The following TEX14 variants were observed in gnomAD, a reference collection of about 807,000 sequenced individuals.
The protein encoded by TEX14 is inactive serine/threonine-protein kinase TEX14.
TEX14 carries 168 observed loss-of-function variants against 178.6 expected under a neutral mutation model. The observed-to-expected ratio is 0.94, with a 90% CI of 0.83 to 1.07. TEX14 has a LOEUF of 1.07. TEX14 is among the 50% of genes least tolerant of loss of function. The pLI is 0.00. For missense variants in TEX14, 1,730 were observed against 1,753.6 expected (o/e 0.99, Z 0.24); for synonymous variants, 626 against 634.1 (o/e 0.99, Z 0.19).
chr17:58,587,867 A>ACC, intron 16 of TEX14, 29 bp downstream of exon 16: 10 of 775,806 alleles, frequency 1.3e-5, no homozygotes, highest in Non-Finnish European at 2.0e-5. Flanking sequence ...CCGCTCCACC[A>ACC]CCAGTTTCCA....
intron 1 of TEX14, among the ~76,000 whole-genome samples, chr17:58,684,652 A>C (rs927236550): frequency 4.0e-5 from 6 of 150,166 alleles, no homozygotes; most frequent in African/African-American, 1.5e-4. Context: ...TAAATAAATA[A>C]ATAAATAAAT....
intron 1 of TEX14, among the ~76,000 whole-genome samples, chr17:58,676,691 TAA>T (rs1047480605): frequency 2.0e-5 from 3 of 152,168 alleles, no homozygotes; most frequent in Admixed American, 2.0e-4. Context: ...AAGAGCAGGT[TAA>T]AATCCTTTAG....
chr17:58,570,254 T>G, intron 25 of TEX14, 131 bp downstream of exon 25: 1 of 510,482 alleles, frequency 2.0e-6, no homozygotes, highest in Non-Finnish European at 3.4e-6. Context: ...CTACAATGAG[T>G]GTGTTTTACT....
chr17:58,564,727 A>G (rs989124485), intron 28 of TEX14, 142 bp downstream of exon 28: 26 of 452,434 alleles, frequency 5.7e-5, no homozygotes, highest in Admixed American at 4.9e-4. Context: ...TAAAAAAGTA[A>G]CCCTTTAGGA....
intron 2 of TEX14, among the ~76,000 whole-genome samples, chr17:58,650,261 C>G (rs2046811721): frequency 6.6e-6 from 1 of 151,608 alleles, no homozygotes; most frequent in South Asian, 2.1e-4. Context: ...CCATGTTGGC[C>G]AGGCAGGTCT....
chr17:58,622,348 AG>A (rs2046018178), intron 4 of TEX14, among the ~76,000 whole-genome samples: 1 of 151,886 alleles, frequency 6.6e-6, no homozygotes, highest in Non-Finnish European at 1.5e-5. Flanking sequence ...CAGGAGGCTG[AG>A]GCAGGAGAAT....
In TEX14 at chr17:58,599,638, G is replaced by GTGAA; in HGVS notation, c.1703_1706dup (p.Thr573IlefsTer3). The GTGAA allele has an allele frequency of 1.2e-6, 2 of 1,612,792 alleles. No individual in the cohort carries two copies. Among genetic ancestry groups the GTGAA allele is most frequent in the Non-Finnish European group, 1.7e-6 (2 of 1,179,736 alleles). Reference sequence around the variant, plus strand: ...CTAGTGTCCCCTCAGTGAATAAAGAGTGAACCCTTGGTGAATGAGGTTGAC... The same window carrying GTGAA: ...CTAGTGTCCCCTCAGTGAATAAAGAGTGAATGAACCCTTGGTGAATGAGGTTGAC... On this transcript the variant is annotated frameshift_variant, in exon 14 of 32. Transcript: ENST00000349033. LOFTEE classifies it high-confidence loss of function.
chr17:58,600,587 C>G (rs2045409654), intron 13 of TEX14, among the ~76,000 whole-genome samples: 1 of 150,234 alleles, frequency 6.7e-6, no homozygotes, highest in Admixed American at 6.6e-5. Flanking sequence ...AGCCTAGATA[C>G]CACCCAAGGA....
chr17:58,651,230 A>G (rs1279623693), intron 2 of TEX14, among the ~76,000 whole-genome samples: 1 of 152,248 alleles, frequency 6.6e-6, no homozygotes, highest in Non-Finnish European at 1.5e-5. Context: ...GTGAGCTGTG[A>G]TCATGCTACT....
intron 3 of TEX14, among the ~76,000 whole-genome samples, chr17:58,626,438 C>T (rs890083171): frequency 3.9e-5 from 6 of 151,916 alleles, no homozygotes; most frequent in Admixed American, 2.6e-4. Context: ...GGCATAGTGG[C>T]GTGTGCCTGT....
At chr17:58,659,494 A>G (rs2047062507) in intron 1 of TEX14, among the ~76,000 whole-genome samples, 1 of 152,178 alleles carries the variant, frequency 6.6e-6, no homozygotes, top group Non-Finnish European at 1.5e-5. Flanking sequence ...TAGAACCGGC[A>G]ATCACTGCGC....
At chr17:58,679,613 T>A (rs1234864456) in intron 1 of TEX14, 1 of 152,218 alleles carries the variant, frequency 6.6e-6, no homozygotes, top group Non-Finnish European at 1.5e-5. Flanking sequence ...GGTCAGCACA[T>A]CCACAATGCA....
intron 21 of TEX14, among the ~76,000 whole-genome samples, 176 bp downstream of exon 21, chr17:58,577,199 T>C (rs2044699202): frequency 1.3e-5 from 2 of 152,178 alleles, no homozygotes; most frequent in Non-Finnish European, 2.9e-5. Flanking sequence ...AGGTGATGAC[T>C]CAATCCCTCA....
intron 26 of TEX14, among the ~76,000 whole-genome samples, chr17:58,566,292 A>G (rs914675727): frequency 3.9e-5 from 6 of 152,254 alleles, no homozygotes; most frequent in Non-Finnish European, 7.3e-5. Context: ...ACTCCTATTT[A>G]GCAGATGAGG....
At chr17:58,572,860 C>G (rs555508021) in intron 23 of TEX14, among the ~76,000 whole-genome samples, 1 of 152,334 alleles carries the variant, frequency 6.6e-6, no homozygotes, top group African/African-American at 2.4e-5. Flanking sequence ...AGTTTAAGCA[C>G]AAGGTACTGT....
At chr17:58,592,098 C>CT (rs1478422774) in intron 15 of TEX14, among the ~76,000 whole-genome samples, 1 of 151,622 alleles carries the variant, frequency 6.6e-6, no homozygotes, top group Non-Finnish European at 1.5e-5. Context: ...AATTATTGCC[C>CT]TTTTAGTAAT....
At chr17:58,647,396 G>A (rs888859520) in intron 2 of TEX14, among the ~76,000 whole-genome samples, 2 of 151,356 alleles carry the variant, frequency 1.3e-5, no homozygotes, top group African/African-American at 4.8e-5. Flanking sequence ...GCTGGGTGTA[G>A]TGGCGGGTGC....
intron 14 of TEX14, among the ~76,000 whole-genome samples, chr17:58,593,922 C>A (rs1318011603): frequency 6.6e-6 from 1 of 152,036 alleles, no homozygotes; most frequent in East Asian, 1.9e-4. Flanking sequence ...GCAACCTCCG[C>A]CTCTCAGGTT....
intron 2 of TEX14, among the ~76,000 whole-genome samples, chr17:58,635,669 A>G (rs1204814294): frequency 6.6e-6 from 1 of 151,986 alleles, no homozygotes; most frequent in Non-Finnish European, 1.5e-5. Flanking sequence ...ACCTCAAGTG[A>G]TCCACCTGCC....
Sources: allele counts gnomAD v4.1 joint callset (sites outside exome capture counted in the v4.1 genomes callset), GRCh38; gene constraint gnomAD v4.1.1; transcripts MANE v1.5; gene names NCBI Gene and HGNC (gene_info 2026-07-23, HGNC 2026-07-21).